ITCH: variants seen among roughly 807,000 people sequenced by gnomAD.
The protein encoded by ITCH is E3 ubiquitin-protein ligase Itchy homolog.
A neutral mutation model predicts 126.8 loss-of-function variants in ITCH; 28 were observed. The observed-to-expected ratio is 0.22, with a 90% CI of 0.16 to 0.30. The LOEUF is 0.30. ITCH is among the 10% of genes least tolerant of loss of function. The pLI, the probability that ITCH is intolerant of heterozygous loss-of-function variation, is 1.00. For missense variants in ITCH, 631 were observed against 1,032.4 expected (o/e 0.61, Z 5.33); for synonymous variants, 342 against 340.0 (o/e 1.01, Z -0.06).
Position 34,413,740 on chromosome 20 carries a change from A to G in ITCH, c.338-2A>G. 6.3e-7 allele frequency: 1 copy of G among 1,597,460 alleles called. No individual in the cohort carries two copies. The highest frequency in any genetic ancestry group is 8.5e-7 in the Non-Finnish European group (1 of 1,170,338). On this transcript the variant is annotated splice_acceptor_variant, in intron 5 of 24. Transcript: ENST00000374864. LOFTEE classifies it high-confidence loss of function. ...TTTTTCTGTAACTTTATTTTCTTCC[A>G]GTTGAAGAAGTAGTTGTGACTTTGC...
At position 34,366,716 on chromosome 20, in the gene ITCH, A is replaced by C. The variant is rs185939845; in HGVS notation, c.-98-2678A>C. On this transcript the variant is annotated intron_variant, in intron 1 of 24. Coordinates refer to ENST00000374864, the MANE Select transcript of ITCH (RefSeq NM_031483.7). ...ATCCCGTCTTTACCAAAAGGAAGGAAAAAAAAAAGAAATAGATGCAGATTT... is the reference window on the plus strand; with the variant it reads ...ATCCCGTCTTTACCAAAAGGAAGGACAAAAAAAAGAAATAGATGCAGATTT... Among the ~76,000 whole-genome samples, 294 of 151,520 alleles carry C rather than the reference A, an allele frequency of 1.9e-3. 1 individual carries two copies. Among genetic ancestry groups the C allele is most frequent in the Non-Finnish European group, 1.8e-3 (124 of 67,824 alleles).
At chr20:34,489,523 A>G (rs750916436) in intron 21 of ITCH, 137 bp downstream of exon 21, 99 of 827,890 alleles carry the variant, frequency 1.2e-4, no homozygotes, top group South Asian at 1.7e-4. Context: ...AACATCCCCA[A>G]TGGTTAAAGA....
At chr20:34,477,282 G>A (rs1446340637) in intron 16 of ITCH, among the ~76,000 whole-genome samples, 1 of 152,198 alleles carries the variant, frequency 6.6e-6, no homozygotes, top group Non-Finnish European at 1.5e-5. Context: ...TGTAATCCCA[G>A]CACTTTGGGA....
chr20:34,400,705 G>A (rs1366919960), intron 3 of ITCH, among the ~76,000 whole-genome samples: 1 of 145,590 alleles, frequency 6.9e-6, no homozygotes, highest in African/African-American at 2.6e-5. Flanking sequence ...GAGTGCAGTG[G>A]CGCGATCTCA....
At chr20:34,475,759 T>C (rs1237786384) in intron 16 of ITCH, among the ~76,000 whole-genome samples, 1 of 152,022 alleles carries the variant, frequency 6.6e-6, no homozygotes, top group African/African-American at 2.4e-5. Context: ...GAGGCAGAGC[T>C]GCATACTTTC....
intron 2 of ITCH, among the ~76,000 whole-genome samples, chr20:34,386,138 G>C (rs2038277002): frequency 6.8e-6 from 1 of 148,044 alleles, no homozygotes; most frequent in African/African-American, 2.5e-5. Context: ...GCAGAGTCTT[G>C]ATCTCTCGTC....
chr20:34,438,424 A>C (rs1218142260), intron 7 of ITCH, 50 bp from the exon 8 acceptor site: 1 of 1,577,728 alleles, frequency 6.3e-7, no homozygotes, highest in Non-Finnish European at 8.7e-7. Context: ...AAATTCAAGG[A>C]GTATTCATTA....
chr20:34,489,306 C>G lies in ITCH; in HGVS notation c.2134C>G (p.Gln712Glu), dbSNP rs1989352801. 6.2e-7 allele frequency: 1 copy of G among 1,612,938 alleles called. No homozygotes were observed. Among genetic ancestry groups the G allele is most frequent in the Non-Finnish European group, 8.5e-7 (1 of 1,179,186 alleles). The change falls in exon 21 of 25, where the codon CAG (glutamine) becomes GAG (glutamate). Residue 712 changes from glutamine (Q) to glutamate (E), a missense_variant. Physicochemically the swap from Gln to Glu is conservative, Grantham distance 29. Coordinates refer to ENST00000374864, the MANE Select transcript of ITCH (RefSeq NM_031483.7). ...EWRLSRGVEEQTQAFFEGFNE... is the reference protein window; with the variant it reads ...EWRLSRGVEEETQAFFEGFNE... Reference sequence around the variant, plus strand: ...GAGGTTGTCTCGAGGTGTTGAAGAACAGACACAAGCTTTCTTTGAAGGCTT... The same window carrying G: ...GAGGTTGTCTCGAGGTGTTGAAGAAGAGACACAAGCTTTCTTTGAAGGCTT...
At chr20:34,500,866 G>A (rs115179104) in intron 23 of ITCH, among the ~76,000 whole-genome samples, 185 of 152,066 alleles carry the variant, frequency 1.2e-3, no homozygotes, top group African/African-American at 4.2e-3. Context: ...TACTTTTTGT[G>A]TATTTTCATG....
chr20:34,389,608 G>A (rs2038413173), intron 2 of ITCH, among the ~76,000 whole-genome samples: 1 of 152,078 alleles, frequency 6.6e-6, no homozygotes, highest in Non-Finnish European at 1.5e-5. Context: ...AACATATTCA[G>A]TAGAAACTTA....
intron 9 of ITCH, among the ~76,000 whole-genome samples, chr20:34,441,004 C>T (rs1007632082): frequency 1.3e-5 from 2 of 152,040 alleles, no homozygotes; most frequent in Non-Finnish European, 1.5e-5. Flanking sequence ...GGCATGGTGG[C>T]TCACGCCTGT....
intron 3 of ITCH, among the ~76,000 whole-genome samples, chr20:34,406,149 C>G (rs2039051581): frequency 2.0e-5 from 3 of 151,668 alleles, no homozygotes; most frequent in African/African-American, 4.8e-5. Flanking sequence ...AGCCTCCCCC[C>G]AGCAGCTGGG....
At chr20:34,366,472 A>T (rs1451669998) in intron 1 of ITCH, among the ~76,000 whole-genome samples, 1 of 152,046 alleles carries the variant, frequency 6.6e-6, no homozygotes, top group Non-Finnish European at 1.5e-5. Context: ...TGGTCCTCCC[A>T]CCTTGGCCTC....
At chr20:34,476,434 G>A in intron 16 of ITCH, 1 of 1,226,212 alleles carries the variant, frequency 8.2e-7, no homozygotes, top group South Asian at 4.0e-5. Context: ...GAGGACCGCA[G>A]AAGCGGCGCG....
rs1185627515 is a variant in ITCH at position 34,416,284 on chromosome 20, G to T, written c.475+2405G>T. On this transcript the variant is annotated intron_variant, in intron 6 of 24. Transcript: ENST00000374864. ...GTGGTGGCGCATGCCTGTAATCCCA[G>T]CTACTCGGGAGGCTGAGGCAGGAGA... Among the ~76,000 whole-genome samples, 6 of 152,228 alleles carry T rather than the reference G, an allele frequency of 3.9e-5. No homozygotes were observed. In the East Asian group the frequency reaches 1.2e-3, roughly 29 times the overall value.
intron 2 of ITCH, among the ~76,000 whole-genome samples, chr20:34,376,029 G>T (rs1017944527): frequency 2.6e-5 from 4 of 152,034 alleles, no homozygotes; most frequent in Non-Finnish European, 5.9e-5. Flanking sequence ...TCAAGATTTT[G>T]TAAGAAATTT....
chr20:34,424,627 T>C lies in ITCH; in HGVS notation c.521+102T>C, dbSNP rs1981245156. On this transcript the variant is annotated intron_variant, in intron 7 of 24. Coordinates refer to ENST00000374864, the MANE Select transcript of ITCH (RefSeq NM_031483.7). The stretch of plus-strand genomic sequence containing the variant: ...GGTTCATGATATAAGAATAAATGAG[T>C]GTCAGAAAGAATTCAGAACTCAAGA... The C allele has an allele frequency of 1.0e-5, 10 of 966,192 alleles. No homozygotes were observed. In the South Asian group the frequency reaches 1.2e-4, roughly 11 times the overall value. The allele number at this position is 966,192 out of a possible 1,614,324, so 59.9% of individuals were successfully genotyped here.
chr20:34,511,031 T>C lies in ITCH; in HGVS notation c.*3237T>C, dbSNP rs940023172. ...GACTCACGGAATTAAATTTTTCCTCTATTTTTATATCCTTTCCTGTTGTGG... is the reference window on the plus strand; with the variant it reads ...GACTCACGGAATTAAATTTTTCCTCCATTTTTATATCCTTTCCTGTTGTGG... On this transcript the variant is annotated 3_prime_UTR_variant, in exon 25 of 25. Transcript: ENST00000374864. The C allele has an allele frequency of 2.0e-5, 3 of 152,230 alleles. No individual in the cohort carries two copies. Among genetic ancestry groups the C allele is most frequent in the Non-Finnish European group, 4.4e-5 (3 of 68,042 alleles). 9.4% of individuals were successfully genotyped at this position (152,230 alleles called of 1,614,324 possible). A position where few individuals can be genotyped will look rare whatever the true frequency, so the allele number is the denominator to read the frequency against.
At position 34,417,442 on chromosome 20, in the gene ITCH, C is replaced by T. The variant is rs1232448896; in HGVS notation, c.475+3563C>T. Among the ~76,000 whole-genome samples, 3 of 146,416 alleles carry T rather than the reference C, an allele frequency of 2.0e-5. No individual in the cohort carries two copies. In the Admixed American group the frequency reaches 2.1e-4, roughly 10 times the overall value. Reference sequence around the variant, plus strand: ...GAGACGGAGTATCGCTCTTGTTGCCCAGGCTGGAGTGCAATGGCACGATCT... The same window carrying T: ...GAGACGGAGTATCGCTCTTGTTGCCTAGGCTGGAGTGCAATGGCACGATCT... On this transcript the variant is annotated intron_variant, in intron 6 of 24. Transcript: ENST00000374864.
Sources: gnomAD v4.1 joint callset for allele counts (sites outside exome capture counted in the v4.1 genomes callset) on GRCh38, gnomAD v4.1.1 for gene constraint, MANE v1.5 for transcripts, NCBI Gene and HGNC (gene_info 2026-07-23, HGNC 2026-07-21) for gene names.